The following SGCZ variants were observed in gnomAD, a reference collection of about 807,000 sequenced individuals.
The protein encoded by SGCZ is zeta-sarcoglycan.
Under a neutral mutation model 41.3 loss-of-function variants are expected in SGCZ, and 40 were observed. The ratio of observed to expected loss-of-function variants is 0.97; its 90% confidence interval spans 0.75 to 1.26. The LOEUF (loss-of-function observed/expected upper bound fraction) is 1.26. Ranked by LOEUF, SGCZ falls within the 50% of genes most tolerant of loss-of-function variation. The pLI, the probability that SGCZ is intolerant of heterozygous loss-of-function variation, is 0.00. For synonymous variants in SGCZ, 206 were observed against 137.5 expected (o/e 1.50, Z -3.49); for missense variants, 552 against 369.8 (o/e 1.49, Z -4.04).
At chr8:14,458,487 G>T (rs1221414085) in intron 2 of SGCZ, among the ~76,000 whole-genome samples, 1 of 152,120 alleles carries the variant, frequency 6.6e-6, no homozygotes, top group Non-Finnish European at 1.5e-5. Flanking sequence ...ATGAGATCTA[G>T]GTGTCTCAAT....
chr8:15,208,746 TG>T (rs1407485361), intron 1 of SGCZ, among the ~76,000 whole-genome samples: 1 of 152,130 alleles, frequency 6.6e-6, no homozygotes, highest in Non-Finnish European at 1.5e-5. Context: ...GCAAGTTACT[TG>T]ACTTCTAATG....
intron 2 of SGCZ, among the ~76,000 whole-genome samples, chr8:14,426,382 A>T (rs1450036460): frequency 6.6e-6 from 1 of 152,108 alleles, no homozygotes; most frequent in Non-Finnish European, 1.5e-5. Context: ...CAATTTGGTT[A>T]ACAGAAGGTA....
intron 1 of SGCZ, among the ~76,000 whole-genome samples, chr8:14,632,312 C>T (rs1806684796): frequency 6.6e-6 from 1 of 152,056 alleles, no homozygotes; most frequent in African/African-American, 2.4e-5. Context: ...CCTGAGCCAC[C>T]ATGCCCAGAC....
chr8:14,469,614 T>C (rs1206435984), intron 2 of SGCZ, among the ~76,000 whole-genome samples: 1 of 152,056 alleles, frequency 6.6e-6, no homozygotes, highest in Admixed American at 6.6e-5. Context: ...CCAGTATCCC[T>C]TAGGTAGCTT....
chr8:15,005,596 T>C (rs1049195172), intron 1 of SGCZ, among the ~76,000 whole-genome samples: 2 of 151,586 alleles, frequency 1.3e-5, no homozygotes, highest in African/African-American at 4.8e-5. Context: ...CCTCCCAAAG[T>C]GCTGGGATGA....
chr8:14,941,330 C>A (rs778075414), intron 1 of SGCZ, among the ~76,000 whole-genome samples: 65 of 152,008 alleles, frequency 4.3e-4, no homozygotes, highest in Non-Finnish European at 1.5e-4. Flanking sequence ...TTTAAAGTGG[C>A]AAAAACCAAA....
At chr8:14,704,148 C>T (rs1050632282) in intron 1 of SGCZ, among the ~76,000 whole-genome samples, 1 of 151,870 alleles carries the variant, frequency 6.6e-6, no homozygotes, top group African/African-American at 2.4e-5. Flanking sequence ...TGATTTTAGT[C>T]CTGGGGTAAC....
rs573483743 is a variant in SGCZ, at chr8:15,151,749, T to A, written c.39+85836A>T. On this transcript the variant is annotated intron_variant, in intron 1 of 7. Coordinates refer to ENST00000382080, the MANE Select transcript of SGCZ (RefSeq NM_139167.4). ...TACTGATGCCTCACAGCAGTATCAA[T>A]AAGACTTAAGCACTGAATAAATATA... is the stretch of plus-strand genomic sequence containing the variant. Among the ~76,000 whole-genome samples, 8 of 152,320 alleles carry A rather than the reference T, an allele frequency of 5.3e-5. No individual in the cohort carries two copies. In the South Asian group the frequency reaches 1.7e-3, roughly 32 times the overall value.
intron 5 of SGCZ, among the ~76,000 whole-genome samples, chr8:14,151,812 T>C (rs1803718299): frequency 6.6e-6 from 1 of 152,052 alleles, no homozygotes; most frequent in South Asian, 2.1e-4. Flanking sequence ...CCAATTTACC[T>C]AACAGACTTT....
intron 1 of SGCZ, among the ~76,000 whole-genome samples, chr8:14,918,478 C>T (rs763214944): frequency 2.0e-5 from 3 of 152,072 alleles, no homozygotes; most frequent in Non-Finnish European, 2.9e-5. Flanking sequence ...TATATAAACT[C>T]AAAGCCCTCT....
rs1554499019 is a variant in SGCZ, at chr8:14,784,913, A to ATATAT, written c.40-229988_40-229987insATATA. ...GTGAAACTCTGCCTCAAAAAAAAAA[A>ATATAT]ATATATATATATATATATATAAAAT... On this transcript the variant is annotated intron_variant, in intron 1 of 7. Coordinates refer to ENST00000382080, the MANE Select transcript of SGCZ (RefSeq NM_139167.4). 4.3e-3 allele frequency among the ~76,000 whole-genome samples: 375 copies of ATATAT among 88,010 alleles called. 23 individuals carry two copies. The highest frequency in any genetic ancestry group is 0.041 in the Admixed American group (279 of 6,758). The allele number at this position is 88,010 out of a possible 152,430, so 57.7% of individuals were successfully genotyped here. A position where few individuals can be genotyped will look rare whatever the true frequency, so the allele number is the denominator to read the frequency against.
intron 1 of SGCZ, among the ~76,000 whole-genome samples, chr8:14,601,557 T>C (rs2117313453): frequency 6.6e-6 from 1 of 152,340 alleles, no homozygotes; most frequent in South Asian, 2.1e-4. Flanking sequence ...GAGCTGATTT[T>C]CTTCCCTGAA....
At chr8:15,006,033 C>T (rs921857705) in intron 1 of SGCZ, among the ~76,000 whole-genome samples, 10 of 152,088 alleles carry the variant, frequency 6.6e-5, no homozygotes, top group Non-Finnish European at 1.3e-4. Context: ...TTGTCATTGA[C>T]GGTAATCACA....
rs75159635 is a variant in SGCZ at position 14,422,525 on chromosome 8, G to A, written c.235-98321C>T. 6.8e-3 allele frequency among the ~76,000 whole-genome samples: 1,037 copies of A among 152,232 alleles called. 14 individuals are homozygous for A. Among genetic ancestry groups the A allele is most frequent in the African/African-American group, 0.023 (960 of 41,534 alleles). On this transcript the variant is annotated intron_variant, in intron 2 of 7. Coordinates refer to ENST00000382080, the MANE Select transcript of SGCZ (RefSeq NM_139167.4). ...ACAGACCCCTCACACACTCATTGGT[G>A]AAATTCTGTAATTGGAAACTGTAAA...
chr8:14,888,729 T>G (rs1292270726), intron 1 of SGCZ, among the ~76,000 whole-genome samples: 2 of 152,180 alleles, frequency 1.3e-5, no homozygotes, highest in Non-Finnish European at 2.9e-5. Flanking sequence ...TTCCATTTTA[T>G]AAGGCATAAT....
chr8:14,958,322 C>T (rs1800857484), intron 1 of SGCZ, among the ~76,000 whole-genome samples: 2 of 151,710 alleles, frequency 1.3e-5, no homozygotes, highest in African/African-American at 2.4e-5. Flanking sequence ...TTCAAAATTC[C>T]CCAAAAACAG....
chr8:14,582,040 T>A (rs1804907385), intron 1 of SGCZ, among the ~76,000 whole-genome samples: 1 of 152,142 alleles, frequency 6.6e-6, no homozygotes, highest in Non-Finnish European at 1.5e-5. Flanking sequence ...CTCCTCAGCC[T>A]ACTCAACGTG....
intron 1 of SGCZ, among the ~76,000 whole-genome samples, chr8:14,833,442 T>C (rs540308866): frequency 1.3e-5 from 2 of 152,258 alleles, no homozygotes; most frequent in East Asian, 3.9e-4. Flanking sequence ...GTATTTTAGG[T>C]GAACTTTTCT....
chr8:14,275,916 CT>C (rs2117275103), intron 3 of SGCZ, among the ~76,000 whole-genome samples: 1 of 152,322 alleles, frequency 6.6e-6, no homozygotes, highest in Non-Finnish European at 1.5e-5. Context: ...CTGCTAAACT[CT>C]TTGAGGAAAG....
Sources: gnomAD v4.1 joint callset for allele counts (sites outside exome capture counted in the v4.1 genomes callset) on GRCh38, gnomAD v4.1.1 for gene constraint, MANE v1.5 for transcripts, NCBI Gene and HGNC (gene_info 2026-07-23, HGNC 2026-07-21) for gene names.